WWTR1: variants seen among roughly 807,000 people sequenced by gnomAD.
WWTR1 encodes the protein WW domain containing transcription regulator 1, also known as WW domain-containing transcription regulator protein 1.
A neutral mutation model predicts 40.1 loss-of-function variants in WWTR1; 13 were observed. That is an observed-to-expected ratio of 0.32 (90% CI 0.21 to 0.52). The LOEUF (loss-of-function observed/expected upper bound fraction) is 0.52. Ranked by LOEUF, WWTR1 falls within the 20% of genes least tolerant of loss-of-function variation. WWTR1 has a pLI of 0.97. For missense variants in WWTR1, 436 were observed against 523.1 expected, an observed-to-expected ratio of 0.83 and a Z score of 1.63; for synonymous variants, 230 against 210.1, an observed-to-expected ratio of 1.09 and a Z score of -0.82.
At chr3:149,557,723 C>G (rs1192621631) in intron 3 of WWTR1, among the ~76,000 whole-genome samples, 2 of 152,032 alleles carry the variant, frequency 1.3e-5, no homozygotes, top group Admixed American at 6.5e-5. Context: ...CATGTTTTGG[C>G]CAGGCACAGT....
At chr3:149,612,715 A>AT (rs1213672599) in intron 2 of WWTR1, among the ~76,000 whole-genome samples, 2 of 152,208 alleles carry the variant, frequency 1.3e-5, no homozygotes, top group Non-Finnish European at 2.9e-5. Flanking sequence ...AGCAATTAGC[A>AT]TGGAAAATAG....
intron 5 of WWTR1, among the ~76,000 whole-genome samples, chr3:149,527,572 A>C (rs999169136): frequency 1.3e-5 from 2 of 152,222 alleles, no homozygotes; most frequent in Non-Finnish European, 2.9e-5. Context: ...ATGTTTAAAA[A>C]TATAAGTTCA....
At chr3:149,718,003 T>G (rs897946377) in intron 4 of WWTR1, among the ~76,000 whole-genome samples, 7 of 152,144 alleles carry the variant, frequency 4.6e-5, no homozygotes, top group Non-Finnish European at 1.5e-5. Context: ...TGATTTATAC[T>G]GAAAAATAAG....
chr3:149,673,441 A>G (rs1434060105), intron 1 of WWTR1, among the ~76,000 whole-genome samples: 16 of 152,288 alleles, frequency 1.1e-4, no homozygotes, highest in Admixed American at 9.8e-4. Flanking sequence ...TTAAATTTAA[A>G]ACTATTTTTA....
chr3:149,664,511 T>C (rs1344904259), intron 2 of WWTR1, among the ~76,000 whole-genome samples: 1 of 152,192 alleles, frequency 6.6e-6, no homozygotes, highest in East Asian at 1.9e-4. Context: ...TGTTTCACTT[T>C]GGTGTTCTTA....
At chr3:149,538,487 T>C (rs1735933104) in intron 4 of WWTR1, among the ~76,000 whole-genome samples, 1 of 152,164 alleles carries the variant, frequency 6.6e-6, no homozygotes, top group Non-Finnish European at 1.5e-5. Flanking sequence ...CCACTTGAAG[T>C]GTCTGCCGCA....
chr3:149,564,827 G>A (rs1212992767), intron 3 of WWTR1, among the ~76,000 whole-genome samples: 3 of 152,148 alleles, frequency 2.0e-5, no homozygotes, highest in Non-Finnish European at 4.4e-5. Context: ...TGTAAAATTA[G>A]AATGTTACAA....
At chr3:149,671,468 C>T (rs1223750397) in intron 1 of WWTR1, among the ~76,000 whole-genome samples, 2 of 152,188 alleles carry the variant, frequency 1.3e-5, no homozygotes, top group East Asian at 1.9e-4. Context: ...TTTCTGCTGG[C>T]ATATCCCCTA....
intron 1 of WWTR1, among the ~76,000 whole-genome samples, chr3:149,696,556 C>T (rs954445526): frequency 1.3e-5 from 2 of 152,170 alleles, no homozygotes; most frequent in African/African-American, 4.8e-5. Flanking sequence ...AATTCAATGT[C>T]CAATGGTTCT....
At chr3:149,637,520 C>G (rs974822907) in intron 2 of WWTR1, among the ~76,000 whole-genome samples, 4 of 152,074 alleles carry the variant, frequency 2.6e-5, no homozygotes, top group Non-Finnish European at 5.9e-5. Flanking sequence ...CATGAGCCAC[C>G]GTGCCCGGCC....
At chr3:149,668,914 A>G (rs1026404538) in intron 2 of WWTR1, among the ~76,000 whole-genome samples, 3 of 152,176 alleles carry the variant, frequency 2.0e-5, no homozygotes, top group African/African-American at 7.2e-5. Flanking sequence ...AGACAAGCAT[A>G]ATCTAGTGGT....
At chr3:149,630,803 C>T (rs971131610) in intron 2 of WWTR1, among the ~76,000 whole-genome samples, 5 of 152,192 alleles carry the variant, frequency 3.3e-5, no homozygotes, top group African/African-American at 9.6e-5. Flanking sequence ...CCAGGAATGA[C>T]GTCCATTCTT....
intron 1 of WWTR1, among the ~76,000 whole-genome samples, chr3:149,670,132 G>A (rs1030098389): frequency 5.9e-5 from 9 of 152,198 alleles, no homozygotes; most frequent in Admixed American, 1.3e-4. Context: ...AAGAAACCAC[G>A]GCCTTCAGTG....
At chr3:149,547,944 T>TCACA (rs150391375) in intron 3 of WWTR1, among the ~76,000 whole-genome samples, 1,683 of 144,948 alleles carry the variant, frequency 0.012, 28 homozygotes, top group African/African-American at 0.039. Flanking sequence ...AAGGAAAAAA[T>TCACA]CACACACACA....
intron 2 of WWTR1, among the ~76,000 whole-genome samples, chr3:149,606,789 A>C (rs1328904981): frequency 6.6e-6 from 1 of 152,226 alleles, no homozygotes; most frequent in Admixed American, 6.5e-5. Flanking sequence ...TAAAGAGAAG[A>C]CCTTTCAAGT....
At chr3:149,703,489 A>G (rs780159456), upstream of WWTR1, among the ~76,000 whole-genome samples, 13 of 152,190 alleles carry the variant, frequency 8.5e-5, no homozygotes, top group Non-Finnish European at 1.0e-4. Context: ...TTTATCTTAG[A>G]TTTCTTAGAT....
Position 149,520,790 on chromosome 3 carries a change from T to C in WWTR1, c.*15A>G, listed in dbSNP as rs769238180. On this transcript the variant is annotated 3_prime_UTR_variant, in exon 7 of 7. Coordinates refer to ENST00000360632, the MANE Select transcript of WWTR1 (RefSeq NM_015472.6). The stretch of plus-strand genomic sequence containing the variant: ...ATGTAAGGTCATGGCTACATCCAAG[T>C]TACAATGGTAGTGATTACAGCCAGG... The C allele has an allele frequency of 1.3e-6, 2 of 1,549,024 alleles. No homozygotes were observed. The highest frequency in any genetic ancestry group is 2.5e-5 in the South Asian group (2 of 79,288).
At chr3:149,662,266 G>T (rs911921474), upstream of WWTR1, among the ~76,000 whole-genome samples, 5 of 152,114 alleles carry the variant, frequency 3.3e-5, no homozygotes, top group Admixed American at 1.3e-4. Flanking sequence ...TGTGAGCCAG[G>T]AGTTGCTCCC....
intron 2 of WWTR1, among the ~76,000 whole-genome samples, chr3:149,599,800 T>C: frequency 6.6e-6 from 1 of 152,196 alleles, no homozygotes; most frequent in East Asian, 1.9e-4. Flanking sequence ...GGAGGATCCA[T>C]TAAGTTACAT....
Sources: allele counts gnomAD v4.1 joint callset (sites outside exome capture counted in the v4.1 genomes callset), GRCh38; gene constraint gnomAD v4.1.1; transcripts MANE v1.5; gene names NCBI Gene and HGNC (gene_info 2026-07-23, HGNC 2026-07-21).